CRYZL1: variants seen among roughly 807,000 people sequenced by gnomAD.
The protein encoded by CRYZL1 is ferry endosomal RAB5 effector complex subunit 4.
A neutral mutation model predicts 50.6 loss-of-function variants in CRYZL1; 34 were observed. That is an observed-to-expected ratio of 0.67 (90% CI 0.51 to 0.89). The LOEUF is 0.89. CRYZL1 is among the 40% of genes least tolerant of loss of function. CRYZL1 has a pLI of 0.00. For synonymous variants in CRYZL1, 125 were observed against 134.3 expected, an observed-to-expected ratio of 0.93 and a Z score of 0.48; for missense variants, 354 against 402.3, an observed-to-expected ratio of 0.88 and a Z score of 1.03.
At chr21:33,616,496 T>G in intron 5 of CRYZL1, 1 of 723,018 alleles carries the variant, frequency 1.4e-6, no homozygotes. Context: ...TTCTCCATGT[T>G]GGTCAGGCTG....
chr21:33,614,635 G>A (rs1380704760), intron 5 of CRYZL1, among the ~76,000 whole-genome samples: 1 of 151,982 alleles, frequency 6.6e-6, no homozygotes, highest in Non-Finnish European at 1.5e-5. Flanking sequence ...GCAATGGCGC[G>A]ATCTCAGCCC....
chr21:33,616,080 C>T (rs561418606), intron 5 of CRYZL1, among the ~76,000 whole-genome samples: 6 of 152,158 alleles, frequency 3.9e-5, no homozygotes, highest in East Asian at 1.9e-4. Context: ...ATCCCTCCCC[C>T]CCCCAACCCC....
chr21:33,596,354 T>C (rs2086692766), intron 10 of CRYZL1: 3 of 332,648 alleles, frequency 9.0e-6, no homozygotes, highest in Middle Eastern at 2.1e-3. Context: ...TATTAAAAAT[T>C]CATGCCAGCG....
chr21:33,616,690 A>G lies in CRYZL1; in HGVS notation c.262+16T>C. The G allele has an allele frequency of 6.2e-7, 1 of 1,610,372 alleles. No individual in the cohort carries two copies. Among genetic ancestry groups the G allele is most frequent in the Non-Finnish European group, 8.5e-7 (1 of 1,178,146 alleles). On this transcript the variant is annotated intron_variant, in intron 5 of 12. Coordinates refer to ENST00000381554, the MANE Select transcript of CRYZL1 (RefSeq NM_145858.3). ...AAAATAGATGACTTGAAATAAGACTATGAACTATAACTTACCAACTACTTC... is the reference window on the plus strand; with the variant it reads ...AAAATAGATGACTTGAAATAAGACTGTGAACTATAACTTACCAACTACTTC...
At chr21:33,607,354 T>C (rs1046871307) in intron 6 of CRYZL1, among the ~76,000 whole-genome samples, 1 of 152,120 alleles carries the variant, frequency 6.6e-6, no homozygotes, top group African/African-American at 2.4e-5. Flanking sequence ...TAAACAATCA[T>C]GAAGGCTGGC....
At chr21:33,596,138 A>G (rs536288226) in intron 10 of CRYZL1, 1 of 563,672 alleles carries the variant, frequency 1.8e-6, no homozygotes, top group South Asian at 1.6e-5. Context: ...ATCAGTGAAG[A>G]TTGGTAGGTG....
chr21:33,603,606 C>G, intron 6 of CRYZL1, 69 bp from the exon 7 acceptor site: 8 of 1,567,782 alleles, frequency 5.1e-6, no homozygotes, highest in Non-Finnish European at 6.1e-6. Flanking sequence ...GGATCTATTT[C>G]TCTCCATCTC....
chr21:33,594,344 A>G (rs1210602042), intron 11 of CRYZL1, among the ~76,000 whole-genome samples: 1 of 150,818 alleles, frequency 6.6e-6, no homozygotes, highest in East Asian at 2.0e-4. Context: ...GGTATTTTTA[A>G]TAGAGACGGG....
At chr21:33,619,088 T>C (rs970504688) in intron 4 of CRYZL1, among the ~76,000 whole-genome samples, 1 of 152,232 alleles carries the variant, frequency 6.6e-6, no homozygotes, top group Non-Finnish European at 1.5e-5. Context: ...TAAGTATAAA[T>C]CTAAACTCAT....
At chr21:33,624,884 A>G in intron 2 of CRYZL1, 124 bp from the exon 3 acceptor site, 1 of 1,277,124 alleles carries the variant, frequency 7.8e-7, no homozygotes, top group Non-Finnish European at 1.0e-6. Flanking sequence ...TCTCACAGCT[A>G]ATTTTAACAA....
chr21:33,640,104 G>A, intron 1 of CRYZL1: 1 of 1,536,942 alleles, frequency 6.5e-7, no homozygotes, highest in Non-Finnish European at 8.8e-7. Context: ...GGGATTACAG[G>A]CGTGAGCCAC....
chr21:33,612,727 A>G (rs1392418622), intron 6 of CRYZL1, among the ~76,000 whole-genome samples: 1 of 152,216 alleles, frequency 6.6e-6, no homozygotes, highest in East Asian at 1.9e-4. Flanking sequence ...GTGTGTGTAC[A>G]TGTACTTTAA....
At chr21:33,630,664 AAGCAATATGT>A (rs2087127100) in intron 2 of CRYZL1, among the ~76,000 whole-genome samples, 1 of 152,204 alleles carries the variant, frequency 6.6e-6, no homozygotes, top group South Asian at 2.1e-4. Context: ...AAGGAAATGA[AAGCAATATGT>A]CAAAGTGATA....
intron 4 of CRYZL1, among the ~76,000 whole-genome samples, chr21:33,619,592 C>G (rs530708135): frequency 6.6e-6 from 1 of 151,794 alleles, no homozygotes; most frequent in East Asian, 1.9e-4. Context: ...GAGACAGGGT[C>G]TTGCTCTGTT....
chr21:33,608,652 A>C (rs1278400832), intron 6 of CRYZL1, among the ~76,000 whole-genome samples: 1 of 152,018 alleles, frequency 6.6e-6, no homozygotes. Context: ...GGCTTATTTC[A>C]CTCAGCATAG....
intron 4 of CRYZL1, among the ~76,000 whole-genome samples, chr21:33,617,341 A>C (rs972142223): frequency 2.0e-5 from 3 of 152,160 alleles, no homozygotes; most frequent in Admixed American, 2.0e-4. Context: ...TTAAGGAAGA[A>C]GGAGTAAAGA....
intron 2 of CRYZL1, among the ~76,000 whole-genome samples, chr21:33,629,498 G>C (rs372150351): frequency 2.6e-5 from 4 of 152,138 alleles, no homozygotes; most frequent in African/African-American, 9.7e-5. Flanking sequence ...CTTGAGCTCA[G>C]GCAATCCACC....
intron 10 of CRYZL1, chr21:33,596,213 C>A (rs191980720): frequency 8.3e-6 from 4 of 480,904 alleles, no homozygotes; most frequent in Admixed American, 2.4e-5. Flanking sequence ...AAAAATATAA[C>A]CTTGAGAGAT....
At chr21:33,608,765 A>T (rs1368678476) in intron 6 of CRYZL1, among the ~76,000 whole-genome samples, 2 of 152,196 alleles carry the variant, frequency 1.3e-5, no homozygotes, top group Admixed American at 1.3e-4. Flanking sequence ...TTATTCATTC[A>T]TCTGGACACT....
Sources: gnomAD v4.1 joint callset for allele counts (sites outside exome capture counted in the v4.1 genomes callset) on GRCh38, gnomAD v4.1.1 for gene constraint, MANE v1.5 for transcripts, NCBI Gene and HGNC (gene_info 2026-07-23, HGNC 2026-07-21) for gene names.